Variants in COL5A1 observed in about 807,000 individuals in gnomAD.
COL5A1 encodes the protein collagen type V alpha 1 chain.
COL5A1 carries 16 observed loss-of-function variants against 263.7 expected under a neutral mutation model. That is an observed-to-expected ratio of 0.06 (90% CI 0.04 to 0.09). COL5A1 has a LOEUF of 0.09. Among genes scored for constraint, COL5A1 ranks in the 10% least tolerant of loss-of-function variants. COL5A1 has a pLI of 1.00. For missense variants in COL5A1, 2,036 were observed against 2,540.5 expected (o/e 0.80, Z 4.27); for synonymous variants, 1,012 against 1,004.5 (o/e 1.01, Z -0.14).
chr9:134,654,590 G>C (rs1390721736), intron 1 of COL5A1, among the ~76,000 whole-genome samples: 1 of 131,694 alleles, frequency 7.6e-6, no homozygotes, highest in Non-Finnish European at 1.6e-5. Context: ...GGTGTGTAGG[G>C]CTGGGAGTGT....
At chr9:134,820,462 C>T (rs1404170367) in intron 58 of COL5A1, among the ~76,000 whole-genome samples, 1 of 152,214 alleles carries the variant, frequency 6.6e-6, no homozygotes, top group Admixed American at 6.5e-5. Context: ...GGGCTTCCTC[C>T]TCATGACCGT....
At chr9:134,658,799 T>G (rs1588412790) in intron 1 of COL5A1, among the ~76,000 whole-genome samples, 1 of 152,170 alleles carries the variant, frequency 6.6e-6, no homozygotes, top group East Asian at 1.9e-4. Flanking sequence ...GCTGCTGGGC[T>G]CCAGGTGGGC....
intron 32 of COL5A1, 72 bp from the exon 33 acceptor site, chr9:134,795,010 C>T (rs41298364): frequency 2.3e-4 from 347 of 1,529,954 alleles, no homozygotes; most frequent in Non-Finnish European, 3.0e-4. Flanking sequence ...CTCAATAACC[C>T]GGGAGACAGC....
At chr9:134,791,195 C>A (rs780948695) in intron 32 of COL5A1, among the ~76,000 whole-genome samples, 1 of 152,244 alleles carries the variant, frequency 6.6e-6, no homozygotes, top group Non-Finnish European at 1.5e-5. Flanking sequence ...AGCCTTTCTG[C>A]AGCCTCTGGG....
chr9:134,695,713 C>T (rs2132560101), intron 2 of COL5A1, among the ~76,000 whole-genome samples: 1 of 152,332 alleles, frequency 6.6e-6, no homozygotes, highest in South Asian at 2.1e-4. Flanking sequence ...TGGAGACCGT[C>T]TCTTCCTCAC....
chr9:134,731,796 T>G, intron 8 of COL5A1, 133 bp downstream of exon 8: 2 of 1,069,096 alleles, frequency 1.9e-6, no homozygotes, highest in Non-Finnish European at 2.7e-6. Context: ...TTCCCAAAAC[T>G]TTATTTTTAA....
intron 18 of COL5A1, among the ~76,000 whole-genome samples, chr9:134,759,909 C>T (rs1330150846): frequency 7.7e-5 from 9 of 116,998 alleles, no homozygotes; most frequent in African/African-American, 2.8e-4. Flanking sequence ...ACCCATGCAC[C>T]CCCACACTCA....
intron 63 of COL5A1, among the ~76,000 whole-genome samples, chr9:134,829,284 C>T (rs1366915640): frequency 6.6e-6 from 1 of 150,996 alleles, no homozygotes; most frequent in Non-Finnish European, 1.5e-5. Context: ...CCTCACATGG[C>T]CTCCAGTCTC....
At chr9:134,807,181 C>T (rs1394380901) in intron 42 of COL5A1, among the ~76,000 whole-genome samples, 2 of 152,252 alleles carry the variant, frequency 1.3e-5, no homozygotes, top group Non-Finnish European at 2.9e-5. Flanking sequence ...TCAACTTCTC[C>T]TTCCCAGTAC....
chr9:134,825,936 G>T (rs766650981), intron 63 of COL5A1, 32 bp downstream of exon 63: 2 of 1,466,972 alleles, frequency 1.4e-6, no homozygotes, highest in Non-Finnish European at 1.9e-6. Context: ...TGGCCCCAGC[G>T]GGGCAGGCGT....
intron 23 of COL5A1, 60 bp from the exon 24 acceptor site, chr9:134,767,250 G>T (rs1836708107): frequency 6.5e-7 from 1 of 1,547,892 alleles, no homozygotes. Flanking sequence ...AGATGGCAGG[G>T]GAGGGTTCTG....
chr9:134,815,221 C>T (rs1051659303), intron 50 of COL5A1, among the ~76,000 whole-genome samples: 1 of 152,240 alleles, frequency 6.6e-6, no homozygotes, highest in African/African-American at 2.4e-5. Flanking sequence ...GATTTTGCAT[C>T]AGGAGGGGCT....
At chr9:134,768,987 G>A (rs1836779223) in intron 25 of COL5A1, among the ~76,000 whole-genome samples, 1 of 152,200 alleles carries the variant, frequency 6.6e-6, no homozygotes, top group African/African-American at 2.4e-5. Flanking sequence ...GGGGGGAGGT[G>A]TGAGGAAGTA....
rs757247505 is a variant in COL5A1, at chr9:134,815,644, G to A, written c.4068+15G>A. On this transcript the variant is annotated intron_variant, in intron 51 of 65. Transcript: ENST00000371817. The stretch of plus-strand genomic sequence containing the variant: ...CTGGCCCCGCGGTAGGTGCTCAAGA[G>A]GGCAAAGCCACCGGATCCCCCACAG... 4 of 1,613,124 alleles carry A rather than the reference G, an allele frequency of 2.5e-6. No individual in the cohort carries two copies. Among genetic ancestry groups the A allele is most frequent in the Non-Finnish European group, 3.4e-6 (4 of 1,179,728 alleles).
intron 5 of COL5A1, among the ~76,000 whole-genome samples, chr9:134,728,062 T>G (rs1015177445): frequency 6.6e-6 from 1 of 152,260 alleles, no homozygotes; most frequent in Non-Finnish European, 1.5e-5. Context: ...CCTTGGGTCT[T>G]CCTTCTTTCA....
chr9:134,787,897 T>C (rs1564458833), intron 31 of COL5A1, among the ~76,000 whole-genome samples: 1 of 152,182 alleles, frequency 6.6e-6, no homozygotes, highest in Non-Finnish European at 1.5e-5. Context: ...GGGAGCATGA[T>C]GAAACTCCAT....
At chr9:134,728,641 T>A in intron 5 of COL5A1, 29 bp from the exon 6 acceptor site, 2 of 1,613,534 alleles carry the variant, frequency 1.2e-6, no homozygotes, top group Non-Finnish European at 1.7e-6. Flanking sequence ...GCTCCGCTGC[T>A]TCCTCACGGG....
chr9:134,664,281 G>C (rs1485785620), intron 1 of COL5A1, among the ~76,000 whole-genome samples: 1 of 152,178 alleles, frequency 6.6e-6, no homozygotes, highest in African/African-American at 2.4e-5. Context: ...AAACATGGGA[G>C]GCCAGGTTTT....
rs1833156005 is a variant in COL5A1, at chr9:134,688,474, A to G, written c.110-2438A>G. Among the ~76,000 whole-genome samples, 3 of 152,270 alleles carry G rather than the reference A, an allele frequency of 2.0e-5. No homozygotes were observed. In the South Asian group the frequency reaches 6.2e-4, roughly 32 times the overall value. ...GCCCAGGGCTGCGCGGTGCAGCCTCACCAGGCACTGGCACTCAGCGTTTCT... is the reference window on the plus strand; with the variant it reads ...GCCCAGGGCTGCGCGGTGCAGCCTCGCCAGGCACTGGCACTCAGCGTTTCT... On this transcript the variant is annotated intron_variant, in intron 1 of 65. Coordinates refer to ENST00000371817, the MANE Select transcript of COL5A1 (RefSeq NM_000093.5).
Sources: gnomAD v4.1 joint callset for allele counts (sites outside exome capture counted in the v4.1 genomes callset) on GRCh38, gnomAD v4.1.1 for gene constraint, MANE v1.5 for transcripts, NCBI Gene and HGNC (gene_info 2026-07-23, HGNC 2026-07-21) for gene names.